EBAG9: variants seen among roughly 807,000 people sequenced by gnomAD.
The protein encoded by EBAG9 is receptor-binding cancer antigen expressed on SiSo cells.
Under a neutral mutation model 30.9 loss-of-function variants are expected in EBAG9, and 16 were observed. The observed-to-expected ratio is 0.52, with a 90% CI of 0.35 to 0.79. The LOEUF is 0.79. Among genes scored for constraint, EBAG9 ranks in the 30% least tolerant of loss-of-function variants. EBAG9 has a pLI of 0.01. For synonymous variants in EBAG9, 93 were observed against 82.8 expected (o/e 1.12, Z -0.67); for missense variants, 197 against 242.1 (o/e 0.81, Z 1.24).
chr8:109,544,752 C>A (rs1163801824), intron 1 of EBAG9, among the ~76,000 whole-genome samples: 1 of 152,088 alleles, frequency 6.6e-6, no homozygotes, highest in Non-Finnish European at 1.5e-5. Context: ...TCTGTTCTAC[C>A]TCTCAACAGT....
chr8:109,554,471 C>T (rs1007865177), intron 3 of EBAG9, among the ~76,000 whole-genome samples: 2 of 152,058 alleles, frequency 1.3e-5, no homozygotes, highest in Non-Finnish European at 2.9e-5. Context: ...GTTTTCAGAG[C>T]ATTTGCTTTC....
intron 2 of EBAG9, among the ~76,000 whole-genome samples, chr8:109,552,292 A>G (rs1417187288): frequency 6.6e-6 from 1 of 151,892 alleles, no homozygotes; most frequent in Non-Finnish European, 1.5e-5. Context: ...GGGTATTGCA[A>G]GAGAACAAGT....
chr8:109,558,834 T>G (rs1821656071), intron 5 of EBAG9, among the ~76,000 whole-genome samples: 1 of 152,240 alleles, frequency 6.6e-6, no homozygotes, highest in Non-Finnish European at 1.5e-5. Flanking sequence ...TTGTGAGAGT[T>G]CTTTTATACC....
At chr8:109,546,261 C>T (rs1309974469) in intron 1 of EBAG9, among the ~76,000 whole-genome samples, 1 of 152,104 alleles carries the variant, frequency 6.6e-6, no homozygotes, top group Non-Finnish European at 1.5e-5. Context: ...AAAATGTCTT[C>T]GTGTAGATTG....
intron 5 of EBAG9, among the ~76,000 whole-genome samples, chr8:109,559,038 A>G (rs1821660026): frequency 6.6e-6 from 1 of 152,232 alleles, no homozygotes; most frequent in Non-Finnish European, 1.5e-5. Context: ...CTTTTTAAAA[A>G]AAATCTAAAT....
At chr8:109,547,004 T>G (rs1027023667) in intron 1 of EBAG9, among the ~76,000 whole-genome samples, 1 of 152,140 alleles carries the variant, frequency 6.6e-6, no homozygotes, top group Non-Finnish European at 1.5e-5. Flanking sequence ...GCAATTCAAA[T>G]ACAAGTCTTT....
Position 109,565,876 on chromosome 8 carries a change from A to G in EBAG9, c.*1317A>G, listed in dbSNP as rs1309232247. On this transcript the variant is annotated 3_prime_UTR_variant, in exon 7 of 7. Transcript: ENST00000337573. ...CCCTTAGCCTAAGCTTTCAGACTAA[A>G]TGTGATTATAGAATAAGATGAAAGT... The G allele has an allele frequency of 6.6e-6, 1 of 152,146 alleles. No individual in the cohort carries two copies. The highest frequency in any genetic ancestry group is 2.4e-5 in the African/African-American group (1 of 41,462). 9.4% of individuals were successfully genotyped at this position (152,146 alleles called of 1,614,324 possible).
Position 109,564,641 on chromosome 8 carries a change from T to G in EBAG9, c.*82T>G, listed in dbSNP as rs1222179807. The stretch of plus-strand genomic sequence containing the variant: ...AACATTTGTATGGATTTAAGAGTAT[T>G]TTAAGAAGACATACTGCTTGATTTT... On this transcript the variant is annotated 3_prime_UTR_variant, in exon 7 of 7. Transcript: ENST00000337573. 6.4e-7 allele frequency: 1 copy of G among 1,563,284 alleles called. No homozygotes were observed. The highest frequency in any genetic ancestry group is 8.7e-7 in the Non-Finnish European group (1 of 1,151,984).
At position 109,563,736 on chromosome 8, in the gene EBAG9, C is replaced by T. The variant is rs185200300; in HGVS notation, c.522-703C>T. Among the ~76,000 whole-genome samples the T allele has an allele frequency of 4.5e-4, 68 of 152,158 alleles. No individual in the cohort carries two copies. In the East Asian group the frequency reaches 0.012, roughly 28 times the overall value. ...TTAGTTATTTTTCCTGATCCTCTCC[C>T]TCCGTCTAACCTCAGCCTTTCCGGT... On this transcript the variant is annotated intron_variant, in intron 6 of 6. Coordinates refer to ENST00000337573, the MANE Select transcript of EBAG9 (RefSeq NM_004215.5).
intron 2 of EBAG9, among the ~76,000 whole-genome samples, chr8:109,552,696 A>G (rs929619182): frequency 2.6e-5 from 4 of 152,218 alleles, no homozygotes; most frequent in Non-Finnish European, 5.9e-5. Context: ...TTGTAAATGT[A>G]TACATATTTA....
At chr8:109,546,014 A>G (rs894909095) in intron 1 of EBAG9, among the ~76,000 whole-genome samples, 7 of 152,254 alleles carry the variant, frequency 4.6e-5, no homozygotes, top group African/African-American at 1.7e-4. Context: ...TTTATGAAAT[A>G]TAAAGTAAGC....
At chr8:109,562,076 T>A (rs1821722883) in intron 6 of EBAG9, among the ~76,000 whole-genome samples, 1 of 152,030 alleles carries the variant, frequency 6.6e-6, no homozygotes, top group Non-Finnish European at 1.5e-5. Flanking sequence ...AAAAGATAAA[T>A]CATCTCTTTA....
chr8:109,546,933 T>C (rs149151897), intron 1 of EBAG9, among the ~76,000 whole-genome samples: 5 of 152,362 alleles, frequency 3.3e-5, no homozygotes, highest in Non-Finnish European at 7.3e-5. Context: ...GTTTGTCCAC[T>C]CACCTGTTGA....
At chr8:109,546,135 T>C (rs1821379588) in intron 1 of EBAG9, among the ~76,000 whole-genome samples, 1 of 152,244 alleles carries the variant, frequency 6.6e-6, no homozygotes, top group Non-Finnish European at 1.5e-5. Flanking sequence ...GAAGTTGGCT[T>C]TCTAGAAAGT....
At chr8:109,550,624 G>A (rs1210411066) in intron 1 of EBAG9, 186 bp from the exon 2 acceptor site, 15 of 455,004 alleles carry the variant, frequency 3.3e-5, no homozygotes, top group East Asian at 8.0e-5. Flanking sequence ...TTGAAAACTC[G>A]AAAACCTGGT....
At chr8:109,563,638 A>T in intron 6 of EBAG9, 1 of 1,210,594 alleles carries the variant, frequency 8.3e-7, no homozygotes, top group Non-Finnish European at 1.1e-6. Flanking sequence ...CAGGTTTGTT[A>T]CACAGGTAAA....
intron 1 of EBAG9, among the ~76,000 whole-genome samples, chr8:109,542,317 A>G (rs576212956): frequency 6.6e-6 from 1 of 152,040 alleles, no homozygotes; most frequent in Non-Finnish European, 1.5e-5. Context: ...TTTAAATTTT[A>G]CCTCCAGTTA....
chr8:109,551,353 T>G (rs959748561), intron 2 of EBAG9, among the ~76,000 whole-genome samples: 7 of 152,082 alleles, frequency 4.6e-5, no homozygotes, highest in Non-Finnish European at 8.8e-5. Context: ...TTTTTCTGTT[T>G]GAGTAACATT....
chr8:109,563,479 G>T, intron 6 of EBAG9: 1 of 1,597,228 alleles, frequency 6.3e-7, no homozygotes, highest in South Asian at 1.1e-5. Context: ...TAACCAATCA[G>T]TAAAGATAGA....
Sources: gnomAD v4.1 joint callset for allele counts (sites outside exome capture counted in the v4.1 genomes callset) on GRCh38, gnomAD v4.1.1 for gene constraint, MANE v1.5 for transcripts, NCBI Gene and HGNC (gene_info 2026-07-23, HGNC 2026-07-21) for gene names.